Variants in SHLD2 observed in about 807,000 individuals in gnomAD.
SHLD2 encodes RINN1-REV7-interacting novel NHEJ regulator 2.
A neutral mutation model predicts 73.2 loss-of-function variants in SHLD2; 30 were observed. The observed-to-expected ratio is 0.41, with a 90% CI of 0.31 to 0.56. The LOEUF is 0.56. Ranked by LOEUF, SHLD2 falls within the 20% of genes least tolerant of loss-of-function variation. SHLD2 has a pLI of 0.28. For missense variants in SHLD2, 745 were observed against 1,055.9 expected (o/e 0.71, Z 4.08); for synonymous variants, 285 against 370.1 (o/e 0.77, Z 2.64).
chr10:87,186,738 T>C (rs1848644862), intron 8 of SHLD2, among the ~76,000 whole-genome samples: 1 of 152,188 alleles, frequency 6.6e-6, no homozygotes, highest in Non-Finnish European at 1.5e-5. Flanking sequence ...AAGAATTCAG[T>C]TGAAAAAAGT....
intron 2 of SHLD2, among the ~76,000 whole-genome samples, chr10:87,146,396 C>T (rs1168223630): frequency 2.0e-5 from 3 of 151,946 alleles, no homozygotes; most frequent in Admixed American, 1.3e-4. Flanking sequence ...TGGGTTCAAG[C>T]GATTCTCCTG....
At chr10:87,132,494 G>T (rs2134163763) in intron 2 of SHLD2, among the ~76,000 whole-genome samples, 1 of 152,240 alleles carries the variant, frequency 6.6e-6, no homozygotes, top group Admixed American at 6.5e-5. Flanking sequence ...ATTATATTTT[G>T]CCAGGTGCAG....
chr10:87,157,430 T>G (rs1044298692), intron 3 of SHLD2, among the ~76,000 whole-genome samples: 2 of 152,258 alleles, frequency 1.3e-5, no homozygotes, highest in African/African-American at 4.8e-5. Flanking sequence ...CGTTTTGCTC[T>G]ACCTACAATT....
At chr10:87,167,030 A>G (rs1847253269) in intron 4 of SHLD2, among the ~76,000 whole-genome samples, 1 of 152,048 alleles carries the variant, frequency 6.6e-6, no homozygotes, top group African/African-American at 2.4e-5. Context: ...CATATCTTGT[A>G]TATGTTGATA....
Position 87,187,117 on chromosome 10 carries a change from A to C in SHLD2, c.2432A>C (p.His811Pro). 6.2e-7 allele frequency: 1 copy of C among 1,613,506 alleles called. No homozygotes were observed. Among genetic ancestry groups the C allele is most frequent in the Non-Finnish European group, 8.5e-7 (1 of 1,179,502 alleles). ...TTAATGACTGCCATTGATGGAAGAC[A>C]TGATGTTTGTATCCGTGTAGAATCA... ...PALMTAIDGR[H>P]DVCIRVESKL... The change falls in exon 9 of 10, where the codon CAT becomes CCT. Residue 811 changes from histidine to proline, a missense_variant. His to Pro is a moderately conservative substitution (Grantham distance 77). Around this residue, in one of 5 missense-constraint regions of SHLD2, gnomAD observed 418 missense variants for 567.8 expected, o/e 0.74. Transcript: ENST00000298786.
chr10:87,132,432 C>A lies in SHLD2; in HGVS notation c.-5-18918C>A, dbSNP rs374717268. Among the ~76,000 whole-genome samples, 5 of 152,236 alleles carry A rather than the reference C, an allele frequency of 3.3e-5. No homozygotes were observed. In the East Asian group the frequency reaches 9.6e-4, roughly 29 times the overall value. On this transcript the variant is annotated intron_variant, in intron 2 of 9. Transcript: ENST00000298786. ...AGTTAGTTACACAAATAACTACAGT[C>A]AAAAAGCTATTTTTATCCATGATAA...
rs145367435 is a variant in SHLD2, at chr10:87,104,191, T to C, written c.-6+7202T>C. Among the ~76,000 whole-genome samples the C allele has an allele frequency of 5.4e-3, 811 of 149,462 alleles. 9 individuals carry two copies. The highest frequency in any genetic ancestry group is 0.019 in the African/African-American group (758 of 40,478). On this transcript the variant is annotated intron_variant, in intron 2 of 9. Transcript: ENST00000298786. Reference sequence around the variant, plus strand: ...GGCGGAGGTTGTAGTGAGCCGAGATTGTGCCACTGCACTCCAGCCTGGATG... The same window carrying C: ...GGCGGAGGTTGTAGTGAGCCGAGATCGTGCCACTGCACTCCAGCCTGGATG...
intron 4 of SHLD2, among the ~76,000 whole-genome samples, chr10:87,159,395 T>C (rs1846654604): frequency 6.6e-6 from 1 of 152,192 alleles, no homozygotes. Context: ...TCAGGCACTG[T>C]GTTTACTGTA....
intron 2 of SHLD2, among the ~76,000 whole-genome samples, chr10:87,134,677 G>C (rs549461607): frequency 3.3e-5 from 5 of 152,228 alleles, no homozygotes; most frequent in Non-Finnish European, 7.3e-5. Flanking sequence ...ATTGCTGAGA[G>C]AAATCCAGCA....
At chr10:87,175,711 TCTCTAGCA>T (rs999463168) in intron 6 of SHLD2, among the ~76,000 whole-genome samples, 170 bp from the exon 7 acceptor site, 5 of 151,966 alleles carry the variant, frequency 3.3e-5, no homozygotes, top group African/African-American at 1.2e-4. Flanking sequence ...ATAATAATAA[TCTCTAGCA>T]TGCTTCTGTT....
intron 2 of SHLD2, among the ~76,000 whole-genome samples, chr10:87,108,037 T>A (rs1276303069): frequency 6.6e-6 from 1 of 151,592 alleles, no homozygotes; most frequent in Admixed American, 6.6e-5. Flanking sequence ...GTACACATCA[T>A]CACACCTGGC....
intron 2 of SHLD2, among the ~76,000 whole-genome samples, chr10:87,140,419 C>CAAAAAAAAAAA (rs59414161): frequency 9.8e-6 from 1 of 102,326 alleles, no homozygotes; most frequent in African/African-American, 3.5e-5. Context: ...GAACCTATCT[C>CAAAAAAAAAAA]AAAAAAAAAA....
chr10:87,143,186 A>T (rs1420387093), intron 2 of SHLD2, among the ~76,000 whole-genome samples: 1 of 151,974 alleles, frequency 6.6e-6, no homozygotes, highest in African/African-American at 2.4e-5. Flanking sequence ...TGTCTGCCTC[A>T]GCCTCCCAAA....
At chr10:87,136,628 C>T (rs879018497) in intron 2 of SHLD2, among the ~76,000 whole-genome samples, 3 of 152,024 alleles carry the variant, frequency 2.0e-5, no homozygotes, top group African/African-American at 2.4e-5. Flanking sequence ...TTGATGTATT[C>T]GGTTCCAGTT....
intron 2 of SHLD2, among the ~76,000 whole-genome samples, chr10:87,133,777 A>T (rs1176221605): frequency 6.6e-6 from 1 of 152,234 alleles, no homozygotes; most frequent in African/African-American, 2.4e-5. Context: ...AAAACTTCTT[A>T]TCTCCCATAA....
rs750642041 is a variant in SHLD2 at position 87,151,728 on chromosome 10, T to A, written c.374T>A (p.Phe125Tyr). The A allele has an allele frequency of 6.2e-7, 1 of 1,611,970 alleles. No homozygotes were observed. The highest frequency in any genetic ancestry group is 1.7e-5 in the Admixed American group (1 of 60,014). The change falls in exon 3 of 10, where the codon TTT becomes TAT. Residue 125 changes from phenylalanine (F) to tyrosine (Y), a missense_variant. Around this residue, in one of 5 missense-constraint regions of SHLD2, gnomAD observed 280 missense variants for 353.9 expected, o/e 0.79. Coordinates refer to ENST00000298786, the MANE Select transcript of SHLD2 (RefSeq NM_001330112.2). ...AGCTCTAATATGCAAATATGTGGAT[T>A]TAAAAGCACAGTTCCGCATTTCACC... The part of the protein sequence containing the change: ...ITSSNMQICG[F>Y]KSTVPHFTEE...
At chr10:87,177,901 A>G (rs1848044181) in intron 7 of SHLD2, among the ~76,000 whole-genome samples, 2 of 152,230 alleles carry the variant, frequency 1.3e-5, no homozygotes. Flanking sequence ...TTACAAAATG[A>G]TAGGATTATG....
intron 2 of SHLD2, among the ~76,000 whole-genome samples, chr10:87,121,352 TG>T (rs1407331086): frequency 1.3e-5 from 2 of 152,108 alleles, no homozygotes; most frequent in Admixed American, 6.5e-5. Context: ...CTCAAACTCC[TG>T]GGCTTAAGTG....
intron 2 of SHLD2, among the ~76,000 whole-genome samples, chr10:87,102,491 T>C (rs1374923614): frequency 2.0e-5 from 3 of 151,688 alleles, no homozygotes; most frequent in African/African-American, 4.8e-5. Context: ...GCAGATTACC[T>C]GAGGTTGGGA....
Sources: allele counts gnomAD v4.1 joint callset (sites outside exome capture counted in the v4.1 genomes callset), GRCh38; gene constraint gnomAD v4.1.1; regional missense constraint gnomAD v4.1.1; transcripts MANE v1.5; gene names NCBI Gene and HGNC (gene_info 2026-07-23, HGNC 2026-07-21).